The following ASIC2 variants were observed in gnomAD, a reference collection of about 807,000 sequenced individuals.
The protein encoded by ASIC2 is acid-sensing ion channel 2.
Under a neutral mutation model 57.3 loss-of-function variants are expected in ASIC2, and 25 were observed. The observed-to-expected ratio is 0.44, with a 90% CI of 0.32 to 0.61. ASIC2 has a LOEUF of 0.61. Ranked by LOEUF, ASIC2 falls within the 20% of genes least tolerant of loss-of-function variation. The probability of loss-of-function intolerance (pLI) is 0.06; values close to 1 mark genes in which losing one functional copy is unlikely to be tolerated. For missense variants in ASIC2, 641 were observed against 738.1 expected (o/e 0.87, Z 1.52); for synonymous variants, 319 against 307.5 (o/e 1.04, Z -0.39).
intron 1 of ASIC2, among the ~76,000 whole-genome samples, chr17:33,232,119 G>C (rs1285186703): frequency 3.3e-5 from 5 of 152,138 alleles, no homozygotes; most frequent in African/African-American, 1.2e-4. Context: ...TGGAGGTGGA[G>C]GCCTTGGGGG....
Position 33,218,284 on chromosome 17 carries a change from G to A in ASIC2, c.708+73124C>T, listed in dbSNP as rs776498410. Among the ~76,000 whole-genome samples the A allele has an allele frequency of 5.3e-5, 8 of 152,060 alleles. No individual in the cohort carries two copies. In the East Asian group the frequency reaches 5.8e-4, roughly 11 times the overall value. ...TCTGATGGTGGCTTCCTGATGCTGCGGGGCAGGCCCAGGTCTGAGGTGCAG... is the reference window on the plus strand; with the variant it reads ...TCTGATGGTGGCTTCCTGATGCTGCAGGGCAGGCCCAGGTCTGAGGTGCAG... On this transcript the variant is annotated intron_variant, in intron 1 of 9. Coordinates refer to ENST00000225823, the MANE Select transcript of ASIC2 (RefSeq NM_183377.2).
At chr17:33,422,486 T>C (rs1022224606) in intron 1 of ASIC2, among the ~76,000 whole-genome samples, 3 of 152,140 alleles carry the variant, frequency 2.0e-5, no homozygotes, top group African/African-American at 7.2e-5. Flanking sequence ...TGAGTGAAGC[T>C]CTGGGTGGGC....
intron 1 of ASIC2, among the ~76,000 whole-genome samples, chr17:34,120,739 C>CTTT (rs869228239): frequency 8.6e-5 from 6 of 69,982 alleles, no homozygotes; most frequent in African/African-American, 1.6e-4. Flanking sequence ...TTTTTTTTTT[C>CTTT]TTTTTTTTTT....
At chr17:33,824,989 C>A (rs192591861) in intron 1 of ASIC2, among the ~76,000 whole-genome samples, 61 of 152,258 alleles carry the variant, frequency 4.0e-4, no homozygotes, top group African/African-American at 1.4e-3. Context: ...TAGCATTGAA[C>A]AAGGTGATAT....
intron 1 of ASIC2, among the ~76,000 whole-genome samples, chr17:33,726,507 C>A (rs116408865): frequency 0.019 from 2,868 of 152,276 alleles, 85 homozygotes; most frequent in African/African-American, 0.062. Flanking sequence ...TTTTACAGCA[C>A]CACAAGGCAG....
In ASIC2 at chr17:33,769,153, A is replaced by G. The variant is rs528763070; in HGVS notation, c.555+386825T>C. On this transcript the variant is annotated intron_variant, in intron 1 of 9. Transcript: ENST00000359872. Reference sequence around the variant, plus strand: ...ATTGCTGGTGGAGTGCAGCCACCCCATGTGATGGGACCAGGGGCCAACTGA... The same window carrying G: ...ATTGCTGGTGGAGTGCAGCCACCCCGTGTGATGGGACCAGGGGCCAACTGA... Among the ~76,000 whole-genome samples, 4 of 152,284 alleles carry G rather than the reference A, an allele frequency of 2.6e-5. No homozygotes were observed. The East Asian group carries it at 5.8e-4, about 22-fold the overall frequency.
chr17:33,895,112 C>A (rs1004239622), intron 1 of ASIC2, among the ~76,000 whole-genome samples: 6 of 151,970 alleles, frequency 3.9e-5, no homozygotes, highest in African/African-American at 1.4e-4. Context: ...TCCTTTGGAT[C>A]CAGTCTTTTT....
At chr17:33,459,607 C>T (rs376796186) in intron 1 of ASIC2, among the ~76,000 whole-genome samples, 15 of 152,194 alleles carry the variant, frequency 9.9e-5, no homozygotes, top group Admixed American at 6.5e-4. Flanking sequence ...CAGCAATATC[C>T]CTCCTTGCAG....
chr17:33,235,331 G>A (rs1908252981), intron 1 of ASIC2, among the ~76,000 whole-genome samples: 1 of 152,188 alleles, frequency 6.6e-6, no homozygotes, highest in Non-Finnish European at 1.5e-5. Flanking sequence ...TCCCTGTGGG[G>A]CTGACGTGGG....
chr17:33,664,867 G>A (rs1172361930), intron 1 of ASIC2, among the ~76,000 whole-genome samples: 1 of 152,176 alleles, frequency 6.6e-6, no homozygotes, highest in Admixed American at 6.5e-5. Flanking sequence ...AGCAATGCAA[G>A]CACAACAGTC....
intron 3 of ASIC2, among the ~76,000 whole-genome samples, chr17:33,038,124 A>G (rs1250862993): frequency 6.6e-6 from 1 of 152,178 alleles, no homozygotes; most frequent in African/African-American, 2.4e-5. Context: ...ACACAGCCCC[A>G]TCCCTCAGCC....
intron 1 of ASIC2, among the ~76,000 whole-genome samples, chr17:33,568,614 C>T (rs904251893): frequency 6.6e-6 from 1 of 152,138 alleles, no homozygotes; most frequent in African/African-American, 2.4e-5. Context: ...CATCCCTTCC[C>T]CCTCTGTGTT....
intron 1 of ASIC2, among the ~76,000 whole-genome samples, chr17:33,191,851 C>T (rs1225440900): frequency 6.6e-6 from 1 of 152,186 alleles, no homozygotes; most frequent in Non-Finnish European, 1.5e-5. Flanking sequence ...CAGCAAACTT[C>T]TCTTCCTATC....
chr17:34,022,629 G>GAAAAAAAA (rs796222459), intron 1 of ASIC2, among the ~76,000 whole-genome samples: 1 of 90,238 alleles, frequency 1.1e-5, no homozygotes, highest in African/African-American at 4.2e-5. Flanking sequence ...AATTTCCCAT[G>GAAAAAAAA]AAAAAAAAAA....
chr17:33,126,435 A>G (rs1195029521), intron 1 of ASIC2, among the ~76,000 whole-genome samples: 2 of 152,116 alleles, frequency 1.3e-5, no homozygotes, highest in African/African-American at 4.8e-5. Context: ...GCCTGGCCAC[A>G]CCTGCCTCAC....
At chr17:33,609,959 G>A (rs900457523) in intron 1 of ASIC2, among the ~76,000 whole-genome samples, 1 of 151,928 alleles carries the variant, frequency 6.6e-6, no homozygotes, top group African/African-American at 2.4e-5. Flanking sequence ...CTCCCGGTGA[G>A]CAGCCTGGGA....
chr17:33,492,838 G>A (rs998193219), intron 1 of ASIC2, among the ~76,000 whole-genome samples: 1 of 152,120 alleles, frequency 6.6e-6, no homozygotes, highest in Non-Finnish European at 1.5e-5. Context: ...GTGGAATGGG[G>A]GAAAGCTGCC....
At chr17:33,836,231 C>T (rs1256473113) in intron 1 of ASIC2, among the ~76,000 whole-genome samples, 1 of 150,182 alleles carries the variant, frequency 6.7e-6, no homozygotes, top group Non-Finnish European at 1.5e-5. Context: ...AATTCTCATG[C>T]CTCCCAGGTA....
chr17:33,390,752 G>T (rs1436255290), intron 1 of ASIC2, among the ~76,000 whole-genome samples: 1 of 152,226 alleles, frequency 6.6e-6, no homozygotes, highest in Non-Finnish European at 1.5e-5. Context: ...ATGCGTCAGA[G>T]CGCACGGGAC....
Sources: gnomAD v4.1 joint callset for allele counts (sites outside exome capture counted in the v4.1 genomes callset) on GRCh38, gnomAD v4.1.1 for gene constraint, MANE v1.5 for transcripts, NCBI Gene and HGNC (gene_info 2026-07-23, HGNC 2026-07-21) for gene names.